The following MICU3 variants were observed in gnomAD, a reference collection of about 807,000 sequenced individuals.
The protein encoded by MICU3 is mitochondrial calcium uptake 3.
MICU3 carries 62 observed loss-of-function variants against 66.5 expected under a neutral mutation model. The ratio of observed to expected loss-of-function variants is 0.93; its 90% confidence interval spans 0.76 to 1.15. The LOEUF is 1.15. Ranked by LOEUF, MICU3 falls within the 50% of genes most tolerant of loss-of-function variation. The pLI, the probability that MICU3 is intolerant of heterozygous loss-of-function variation, is 0.00. For missense variants in MICU3, 779 were observed against 664.4 expected (o/e 1.17, Z -1.90); for synonymous variants, 308 against 240.7 (o/e 1.28, Z -2.59).
rs1803242173 is a variant in MICU3, at chr8:17,122,188, C to T, written c.*1901C>T. On this transcript the variant is annotated 3_prime_UTR_variant, in exon 15 of 15. Coordinates refer to ENST00000318063, the MANE Select transcript of MICU3 (RefSeq NM_181723.3). ...TGAGTGGATGAAAACATTTGTAAGGCTGCAACATAATATTAAAATGTGAAT... is the reference window on the plus strand; with the variant it reads ...TGAGTGGATGAAAACATTTGTAAGGTTGCAACATAATATTAAAATGTGAAT... The T allele has an allele frequency of 6.6e-6, 1 of 151,566 alleles. No individual in the cohort carries two copies. The highest frequency in any genetic ancestry group is 2.4e-5 in the African/African-American group (1 of 41,328). The allele number at this position is 151,566 out of a possible 1,614,324, so 9.4% of individuals were successfully genotyped here. A position where few individuals can be genotyped will look rare whatever the true frequency, so the allele number is the denominator to read the frequency against.
chr8:17,069,583 A>T (rs1282921207), intron 2 of MICU3, 105 bp from the exon 3 acceptor site: 1 of 580,660 alleles, frequency 1.7e-6, no homozygotes, highest in African/African-American at 2.0e-5. Flanking sequence ...TGCCTTTTGG[A>T]CATAAAAGTT....
At chr8:17,060,116 G>A (rs1817587372) in intron 1 of MICU3, among the ~76,000 whole-genome samples, 4 of 152,128 alleles carry the variant, frequency 2.6e-5, no homozygotes, top group African/African-American at 9.7e-5. Context: ...AGTAGAAAGA[G>A]ACAAATAAGT....
At position 17,121,054 on chromosome 8, in the gene MICU3, G is replaced by C. The variant is rs933478312; in HGVS notation, c.*767G>C. ...GATAGTAGAAGCAGTGGTAGTTGTT[G>C]TAACAGTAATCATTGTCATTGTCAT... On this transcript the variant is annotated 3_prime_UTR_variant, in exon 15 of 15. Coordinates refer to ENST00000318063, the MANE Select transcript of MICU3 (RefSeq NM_181723.3). 1 of 151,880 alleles carries C rather than the reference G, an allele frequency of 6.6e-6. No homozygotes were observed. Among genetic ancestry groups the C allele is most frequent in the Non-Finnish European group, 1.5e-5 (1 of 67,818 alleles). The allele number at this position is 151,880 out of a possible 1,614,324, so 9.4% of individuals were successfully genotyped here.
At chr8:17,064,282 T>A (rs1158446991) in intron 2 of MICU3, 45 bp downstream of exon 2, 1 of 1,496,378 alleles carries the variant, frequency 6.7e-7, no homozygotes, top group East Asian at 2.3e-5. Flanking sequence ...ATAATTTTTT[T>A]ATCTCTAGCT....
At chr8:17,030,207 T>C (rs1453266737) in intron 1 of MICU3, among the ~76,000 whole-genome samples, 1 of 152,224 alleles carries the variant, frequency 6.6e-6, no homozygotes, top group African/African-American at 2.4e-5. Flanking sequence ...TCTCTGTGCA[T>C]TGCTTTGTTT....
At chr8:17,134,704 A>T in the MICU3 span, among the ~76,000 whole-genome samples, 1 of 152,146 alleles carries the variant, frequency 6.6e-6, no homozygotes, top group East Asian at 1.9e-4. Flanking sequence ...TTGGCCTCCC[A>T]AATTGCTGGG....
In MICU3 at chr8:17,045,301, G is replaced by T. The variant is rs1814887077; in HGVS notation, c.381+17641G>T. On this transcript the variant is annotated intron_variant, in intron 1 of 14. Coordinates refer to ENST00000318063, the MANE Select transcript of MICU3 (RefSeq NM_181723.3). ...CCTGCCTTTCACCTGCCCACAGCAGGACTCTAATCTGATTGAAGATCATAA... is the reference window on the plus strand; with the variant it reads ...CCTGCCTTTCACCTGCCCACAGCAGTACTCTAATCTGATTGAAGATCATAA... Among the ~76,000 whole-genome samples, 3 of 152,052 alleles carry T rather than the reference G, an allele frequency of 2.0e-5. No individual in the cohort carries two copies. In the South Asian group the frequency reaches 6.2e-4, roughly 32 times the overall value.
Position 17,085,316 on chromosome 8 carries a change from G to A in MICU3, c.775G>A (p.Val259Met). 5 of 1,589,114 alleles carry A rather than the reference G, an allele frequency of 3.1e-6. No individual in the cohort carries two copies. Among genetic ancestry groups the A allele is most frequent in the Non-Finnish European group, 4.3e-6 (5 of 1,158,848 alleles). Residue 259 changes from valine to methionine, a missense_variant and splice_region_variant, in exon 6 of 15, where the codon GTG becomes ATG. Val to Met is a conservative substitution (Grantham distance 21). Coordinates refer to ENST00000318063, the MANE Select transcript of MICU3 (RefSeq NM_181723.3). The part of the protein sequence containing the change: ...NEMVDKKEFL[V>M]LQEIFRKKNE... The stretch of plus-strand genomic sequence containing the variant: ...GATGGTGGATAAAAAAGAGTTTTTG[G>A]TGGTATGTATACTAGATGCTGCACT...
intron 2 of MICU3, among the ~76,000 whole-genome samples, chr8:17,068,431 T>C (rs1396449428): frequency 2.0e-5 from 3 of 152,180 alleles, no homozygotes; most frequent in African/African-American, 7.2e-5. Flanking sequence ...GCATGTACTT[T>C]TCTACCATTT....
At chr8:17,050,629 A>C (rs921105671) in intron 1 of MICU3, among the ~76,000 whole-genome samples, 1 of 152,178 alleles carries the variant, frequency 6.6e-6, no homozygotes, top group Admixed American at 6.5e-5. Context: ...GTGAACTGAT[A>C]AATTTTCATT....
chr8:17,128,117 A>T, the MICU3 span, among the ~76,000 whole-genome samples: 1 of 152,122 alleles, frequency 6.6e-6, no homozygotes, highest in Non-Finnish European at 1.5e-5. Flanking sequence ...CTCTACTGAC[A>T]GTGTGTGAGC....
intron 1 of MICU3, among the ~76,000 whole-genome samples, chr8:17,057,519 A>G (rs1172159656): frequency 6.6e-6 from 1 of 152,214 alleles, no homozygotes; most frequent in African/African-American, 2.4e-5. Flanking sequence ...GCAAATTTTT[A>G]ACATTGATAA....
At chr8:17,124,084 CT>C (rs1386373180), downstream of MICU3, among the ~76,000 whole-genome samples, 4 of 151,562 alleles carry the variant, frequency 2.6e-5, no homozygotes, top group African/African-American at 7.3e-5. Context: ...TTTGATTGGT[CT>C]TATTTTTAGC....
the MICU3 span, among the ~76,000 whole-genome samples, chr8:17,131,024 C>T: frequency 6.6e-6 from 1 of 152,062 alleles, no homozygotes; most frequent in Non-Finnish European, 1.5e-5. Context: ...ACTGGAGTGG[C>T]TGTATTAACA....
intron 11 of MICU3, among the ~76,000 whole-genome samples, chr8:17,106,220 T>C (rs1801723656): frequency 6.6e-6 from 1 of 152,054 alleles, no homozygotes; most frequent in Non-Finnish European, 1.5e-5. Flanking sequence ...TTTAGATATA[T>C]TGCCTTCTAT....
At chr8:17,055,303 G>T (rs976255661) in intron 1 of MICU3, among the ~76,000 whole-genome samples, 1 of 152,132 alleles carries the variant, frequency 6.6e-6, no homozygotes, top group East Asian at 1.9e-4. Context: ...CTCCCATGAG[G>T]CTTTTAATTT....
At chr8:17,127,578 T>G (rs569601426), downstream of MICU3, among the ~76,000 whole-genome samples, 17 of 152,258 alleles carry the variant, frequency 1.1e-4, no homozygotes, top group Non-Finnish European at 5.9e-5. Context: ...CTATTTGGAC[T>G]GAGAAGTAAA....
chr8:17,082,435 G>A (rs1040190169), intron 5 of MICU3, among the ~76,000 whole-genome samples: 2 of 152,044 alleles, frequency 1.3e-5, no homozygotes, highest in African/African-American at 4.8e-5. Flanking sequence ...CTCTAACATA[G>A]CTCCCTCTCT....
intron 11 of MICU3, among the ~76,000 whole-genome samples, chr8:17,107,994 G>A (rs145095498): frequency 2.6e-5 from 4 of 152,266 alleles, no homozygotes; most frequent in African/African-American, 7.2e-5. Context: ...GCTTGGACCA[G>A]GGTAAGAGTA....
Sources: gnomAD v4.1 joint callset for allele counts (sites outside exome capture counted in the v4.1 genomes callset) on GRCh38, gnomAD v4.1.1 for gene constraint, MANE v1.5 for transcripts, NCBI Gene and HGNC (gene_info 2026-07-23, HGNC 2026-07-21) for gene names.